Variants in LGSN observed in about 807,000 individuals in gnomAD.
LGSN encodes lengsin.
LGSN carries 21 observed loss-of-function variants against 19.5 expected under a neutral mutation model. The observed-to-expected ratio is 1.07, with a 90% CI of 0.76 to 1.55. LGSN has a LOEUF of 1.55. Among genes scored for constraint, LGSN ranks in the 40% most tolerant of loss-of-function variants. The probability of loss-of-function intolerance (pLI) is 0.00; values close to 1 mark genes in which losing one functional copy is unlikely to be tolerated. For missense variants in LGSN, 673 were observed against 608.5 expected, an observed-to-expected ratio of 1.11 and a Z score of -1.12; for synonymous variants, 257 against 215.6, an observed-to-expected ratio of 1.19 and a Z score of -1.68.
the LGSN span, among the ~76,000 whole-genome samples, chr6:63,546,102 G>C: frequency 6.6e-6 from 1 of 151,996 alleles, no homozygotes; most frequent in African/African-American, 2.4e-5. Flanking sequence ...ATTCACAATA[G>C]CCAACAAATA....
the LGSN span, among the ~76,000 whole-genome samples, chr6:63,537,251 C>T: frequency 6.6e-6 from 1 of 152,100 alleles, no homozygotes; most frequent in Non-Finnish European, 1.5e-5. Context: ...CATCAACGTC[C>T]CCTGGGAATT....
At chr6:63,528,861 G>A in the LGSN span, among the ~76,000 whole-genome samples, 8 of 152,146 alleles carry the variant, frequency 5.3e-5, no homozygotes, top group Admixed American at 1.3e-4. Context: ...GGCCGAGGCC[G>A]GTGGATTACC....
At chr6:63,531,931 G>A in the LGSN span, among the ~76,000 whole-genome samples, 5 of 151,704 alleles carry the variant, frequency 3.3e-5, no homozygotes, top group Non-Finnish European at 7.4e-5. Flanking sequence ...CTCCCGAGTA[G>A]CTGGAATTAC....
chr6:63,495,349 A>G, the LGSN span, among the ~76,000 whole-genome samples: 1 of 152,036 alleles, frequency 6.6e-6, no homozygotes, highest in Non-Finnish European at 1.5e-5. Context: ...GTTAGCAAGT[A>G]GCAGAGAAGA....
At chr6:63,370,550 A>T in the LGSN span, among the ~76,000 whole-genome samples, 1 of 152,236 alleles carries the variant, frequency 6.6e-6, no homozygotes, top group African/African-American at 2.4e-5. Flanking sequence ...CCTGTGGGAC[A>T]TGGAGCAGGC....
the LGSN span, among the ~76,000 whole-genome samples, chr6:63,331,805 C>T: frequency 5.4e-4 from 82 of 152,252 alleles, no homozygotes; most frequent in African/African-American, 1.9e-3. Flanking sequence ...AACCTGCACC[C>T]TTGCCTGTCC....
rs1767192001 is a variant in LGSN, at chr6:63,279,181, A to G, written c.*840T>C. 1 of 152,218 alleles carries G rather than the reference A, an allele frequency of 6.6e-6. No individual in the cohort carries two copies. 9.4% of individuals were successfully genotyped at this position (152,218 alleles called of 1,614,324 possible). On this transcript the variant is annotated 3_prime_UTR_variant, in exon 4 of 4. Coordinates refer to ENST00000370657, the MANE Select transcript of LGSN (RefSeq NM_016571.3). ...CAGTTGTTCTCACACTCCACAGAGC[A>G]CTAGAGGTTTCAGAGGAACATCTAG... is the stretch of plus-strand genomic sequence containing the variant.
chr6:63,428,755 C>T, the LGSN span, among the ~76,000 whole-genome samples: 1 of 152,144 alleles, frequency 6.6e-6, no homozygotes, highest in East Asian at 1.9e-4. Flanking sequence ...TTAGGTGCTC[C>T]CATTTCTTCA....
the LGSN span, among the ~76,000 whole-genome samples, chr6:63,520,804 G>A: frequency 6.6e-6 from 1 of 151,878 alleles, no homozygotes; most frequent in Non-Finnish European, 1.5e-5. Context: ...TTTTTGCCTT[G>A]TAAACAGGTG....
chr6:63,411,518 A>G, the LGSN span, among the ~76,000 whole-genome samples: 4 of 152,130 alleles, frequency 2.6e-5, no homozygotes, highest in African/African-American at 9.7e-5. Flanking sequence ...AATAAAATTA[A>G]TTTTTATTGA....
the LGSN span, among the ~76,000 whole-genome samples, chr6:63,519,255 C>T: frequency 3.3e-5 from 5 of 150,792 alleles, no homozygotes; most frequent in African/African-American, 1.2e-4. Context: ...TGCAGTGAGC[C>T]GAGATCACAC....
chr6:63,421,417 T>G, the LGSN span, among the ~76,000 whole-genome samples: 2,604 of 134,272 alleles, frequency 0.019, 75 homozygotes, highest in African/African-American at 0.07. Flanking sequence ...AAAGCAAGAT[T>G]CTGTCTGAAA....
rs1767109667 is a variant in LGSN at position 63,276,508 on chromosome 6, T to G, written c.*3513A>C. 1 of 152,206 alleles carries G rather than the reference T, an allele frequency of 6.6e-6. No homozygotes were observed. Among genetic ancestry groups the G allele is most frequent in the Admixed American group, 6.5e-5 (1 of 15,284 alleles). 9.4% of individuals were successfully genotyped at this position (152,206 alleles called of 1,614,324 possible). Reference sequence around the variant, plus strand: ...AGTAATCACATTTTTCCCCTAAGCTTTGATTAGAACAATTATAGTAAATGA... The same window carrying G: ...AGTAATCACATTTTTCCCCTAAGCTGTGATTAGAACAATTATAGTAAATGA... On this transcript the variant is annotated 3_prime_UTR_variant, in exon 4 of 4. Coordinates refer to ENST00000370657, the MANE Select transcript of LGSN (RefSeq NM_016571.3).
At chr6:63,283,754 G>A (rs1767414826) in intron 3 of LGSN, among the ~76,000 whole-genome samples, 2 of 151,832 alleles carry the variant, frequency 1.3e-5, no homozygotes, top group African/African-American at 4.8e-5. Flanking sequence ...AGGCTGGAGT[G>A]CAATGGCGCG....
intron 3 of LGSN, among the ~76,000 whole-genome samples, chr6:63,281,653 C>G (rs113213333): frequency 6.6e-6 from 1 of 151,962 alleles, no homozygotes; most frequent in African/African-American, 2.4e-5. Context: ...TTATTGTAAT[C>G]CTGAGTTAAC....
chr6:63,481,426 T>TC, the LGSN span, among the ~76,000 whole-genome samples: 2 of 151,610 alleles, frequency 1.3e-5, no homozygotes, highest in Non-Finnish European at 2.9e-5. Flanking sequence ...CACTGCAACC[T>TC]CTACCTCCCA....
the LGSN span, among the ~76,000 whole-genome samples, chr6:63,330,460 A>T: frequency 2.0e-5 from 3 of 152,158 alleles, no homozygotes; most frequent in Non-Finnish European, 4.4e-5. Flanking sequence ...CTTTCTCCTG[A>T]TATCTGCGGC....
the LGSN span, among the ~76,000 whole-genome samples, chr6:63,329,573 C>A: frequency 5.9e-5 from 9 of 152,270 alleles, no homozygotes; most frequent in Middle Eastern, 3.4e-3. Flanking sequence ...AGCTTCAGAC[C>A]TTAAGGGATA....
the LGSN span, among the ~76,000 whole-genome samples, chr6:63,348,157 C>T: frequency 6.6e-6 from 1 of 152,108 alleles, no homozygotes; most frequent in South Asian, 2.1e-4. Flanking sequence ...GAGACAATGA[C>T]CTTGAAAACT....
Sources: gnomAD v4.1 joint callset for allele counts (sites outside exome capture counted in the v4.1 genomes callset) on GRCh38, gnomAD v4.1.1 for gene constraint, MANE v1.5 for transcripts, NCBI Gene and HGNC (gene_info 2026-07-23, HGNC 2026-07-21) for gene names.